Variants in A4GALT observed in about 807,000 individuals in gnomAD.
The protein encoded by A4GALT is alpha 1,4-galactosyltransferase (P1PK blood group).
For missense variants in A4GALT, 512 were observed against 486.0 expected, an observed-to-expected ratio of 1.05 and a Z score of -0.50; for synonymous variants, 257 against 220.7, an observed-to-expected ratio of 1.16 and a Z score of -1.46.
intron 1 of A4GALT, among the ~76,000 whole-genome samples, chr22:42,711,979 C>T (rs1467534979): frequency 2.0e-5 from 3 of 152,064 alleles, no homozygotes; most frequent in Non-Finnish European, 4.4e-5. Flanking sequence ...CCCACAAAGC[C>T]GGGATCAAAT....
intron 1 of A4GALT, among the ~76,000 whole-genome samples, chr22:42,711,657 C>T (rs544609949): frequency 2.0e-4 from 31 of 152,046 alleles, no homozygotes; most frequent in South Asian, 8.3e-4. Context: ...TTTCCACCCC[C>T]GAGTCTCGCT....
chr22:42,701,252 A>G (rs1231750140), intron 1 of A4GALT, among the ~76,000 whole-genome samples: 2 of 152,126 alleles, frequency 1.3e-5, no homozygotes, highest in Non-Finnish European at 2.9e-5. Context: ...CCACGTGCCC[A>G]CAAGACAGGC....
intron 1 of A4GALT, among the ~76,000 whole-genome samples, chr22:42,702,247 C>A (rs1920926696): frequency 6.6e-6 from 1 of 152,028 alleles, no homozygotes; most frequent in African/African-American, 2.4e-5. Flanking sequence ...GGGCCGGGCT[C>A]ACAGGACTGA....
rs1385338866 is a variant in A4GALT at position 42,706,164 on chromosome 22, G to A, written c.-187-10533C>T. Among the ~76,000 whole-genome samples, 8 of 69,624 alleles carry A rather than the reference G, an allele frequency of 1.1e-4. 3 individuals are homozygous for A. The highest frequency in any genetic ancestry group is 2.9e-4 in the Non-Finnish European group (7 of 24,000). 45.7% of individuals were successfully genotyped at this position (69,624 alleles called of 152,430 possible). A position where few individuals can be genotyped will look rare whatever the true frequency, so the allele number is the denominator to read the frequency against. On this transcript the variant is annotated intron_variant, in intron 1 of 2. Coordinates refer to ENST00000642412, the MANE Select transcript of A4GALT (RefSeq NM_017436.7). The stretch of plus-strand genomic sequence containing the variant: ...AGGTCAGGAGATCGAGACCATCCTG[G>A]CTAACACGGTGAAACCCCGTCTCTA...
At chr22:42,694,299 G>A (rs1254474306) in intron 2 of A4GALT, among the ~76,000 whole-genome samples, 1 of 152,266 alleles carries the variant, frequency 6.6e-6, no homozygotes, top group Non-Finnish European at 1.5e-5. Flanking sequence ...GCCCAGGCCA[G>A]AGTCTGGTCT....
rs1329115835 is a variant in A4GALT at position 42,712,580 on chromosome 22, C to T, written c.-188+8217G>A. ...GAAAGAAAGTTTCCATATTGCTTCA[C>T]TTTCACCTGTTTTACTGTCTTAAAG... On this transcript the variant is annotated intron_variant, in intron 1 of 2. Coordinates refer to ENST00000642412, the MANE Select transcript of A4GALT (RefSeq NM_017436.7). 4.6e-5 allele frequency among the ~76,000 whole-genome samples: 7 copies of T among 152,346 alleles called. No individual in the cohort carries two copies. In the East Asian group the frequency reaches 5.8e-4, roughly 13 times the overall value.
intron 1 of A4GALT, among the ~76,000 whole-genome samples, chr22:42,702,578 C>T (rs1263493590): frequency 6.6e-6 from 1 of 152,200 alleles, no homozygotes; most frequent in African/African-American, 2.4e-5. Context: ...CTCGGGTGAT[C>T]CGCCCACCTC....
At chr22:42,695,348 C>T (rs130395) in intron 2 of A4GALT, 143 bp downstream of exon 2, 11,070 of 152,322 alleles carry the variant, frequency 0.073, 532 homozygotes, top group Non-Finnish European at 0.1. Flanking sequence ...AGTCGGTCCC[C>T]TCCCAAGGAC....
At position 42,693,193 on chromosome 22, in the gene A4GALT, C is replaced by T. The variant is rs756476441; in HGVS notation, c.759G>A (p.Leu253=). ...ACCACTTCTTGAAGACCCGCGTGAG[C>T]AGCTGCGGGCCCTGGTGACCCCAGA... ...GWIWGHQGPQ[L]LTRVFKKWCS... is the part of the protein sequence containing the mutation. Residue 253 remains leucine, a synonymous_variant, in exon 3 of 3, where the codon CTG becomes CTA. Coordinates refer to ENST00000642412, the MANE Select transcript of A4GALT (RefSeq NM_017436.7). 6.9e-6 allele frequency: 11 copies of T among 1,600,712 alleles called. No homozygotes were observed. Among genetic ancestry groups the T allele is most frequent in the Non-Finnish European group, 9.4e-6 (11 of 1,174,638 alleles).
intron 1 of A4GALT, among the ~76,000 whole-genome samples, chr22:42,704,826 G>A (rs532509083): frequency 1.7e-4 from 24 of 138,686 alleles, no homozygotes; most frequent in African/African-American, 5.3e-4. Flanking sequence ...CCCAACCACA[G>A]TTGAGTGTGG....
At chr22:42,698,432 C>A (rs1931083994) in intron 1 of A4GALT, among the ~76,000 whole-genome samples, 1 of 152,192 alleles carries the variant, frequency 6.6e-6, no homozygotes, top group African/African-American at 2.4e-5. Context: ...CATCCCTACA[C>A]AAATTGCACC....
intron 1 of A4GALT, among the ~76,000 whole-genome samples, chr22:42,699,613 G>A (rs948591501): frequency 1.4e-4 from 22 of 152,302 alleles, no homozygotes; most frequent in Admixed American, 3.9e-4. Flanking sequence ...GGCAAGGGAC[G>A]CAGGACTGCA....
chr22:42,720,663 G>A (rs1922643533), intron 1 of A4GALT, 134 bp downstream of exon 1: 2 of 152,036 alleles, frequency 1.3e-5, no homozygotes, highest in South Asian at 4.1e-4. Context: ...TCCAGAACAG[G>A]TGGCCCGGGC....
chr22:42,705,324 G>A (rs1013869081), intron 1 of A4GALT, among the ~76,000 whole-genome samples: 5 of 152,198 alleles, frequency 3.3e-5, no homozygotes, highest in African/African-American at 1.2e-4. Context: ...GCCACAGCCG[G>A]GCGCAATGGC....
intron 1 of A4GALT, among the ~76,000 whole-genome samples, chr22:42,719,484 G>A (rs1438191915): frequency 6.7e-6 from 1 of 150,074 alleles, no homozygotes; most frequent in Admixed American, 6.7e-5. Flanking sequence ...ATGACAGAGA[G>A]GATTCCATCT....
Position 42,693,751 on chromosome 22 carries a change from G to T in A4GALT, c.201C>A (p.Pro67=). 1 of 1,608,752 alleles carries T rather than the reference G, an allele frequency of 6.2e-7. No individual in the cohort carries two copies. ...GAGTGGGGCCGTGGGAGGGTGGGGT[G>T]GGGGGTGTCAAGGTGGGGCAGGGGA... is the stretch of plus-strand genomic sequence containing the variant. ...AEIPCPTLTP[P]TPPSHGPTPG... The change falls in exon 3 of 3, where the codon CCC becomes CCA. Residue 67 remains proline, a synonymous_variant. Coordinates refer to ENST00000642412, the MANE Select transcript of A4GALT (RefSeq NM_017436.7).
chr22:42,715,706 C>T (rs1183015681), intron 1 of A4GALT, among the ~76,000 whole-genome samples: 2 of 151,344 alleles, frequency 1.3e-5, no homozygotes, highest in Non-Finnish European at 2.9e-5. Flanking sequence ...AGAGCAAGAA[C>T]CTATCTCAAA....
chr22:42,701,097 G>A (rs552308076), intron 1 of A4GALT, among the ~76,000 whole-genome samples: 31 of 152,280 alleles, frequency 2.0e-4, no homozygotes, highest in African/African-American at 6.7e-4. Flanking sequence ...ACCCTTGCCT[G>A]GTCAGACAGG....
chr22:42,695,596 G>C lies in A4GALT; in HGVS notation c.-152C>G, dbSNP rs532687912. ...CGACCTTCTTTGCCAACACGAACAC[G>C]GCCCTTCCACACACTTGCAGCGGCT... On this transcript the variant is annotated 5_prime_UTR_variant, in exon 2 of 3. Coordinates refer to ENST00000642412, the MANE Select transcript of A4GALT (RefSeq NM_017436.7). 6.6e-6 allele frequency: 1 copy of C among 152,360 alleles called. No individual in the cohort carries two copies. Among genetic ancestry groups the C allele is most frequent in the African/African-American group, 2.4e-5 (1 of 41,566 alleles). The allele number at this position is 152,360 out of a possible 1,614,324, so 9.4% of individuals were successfully genotyped here.
Sources: allele counts gnomAD v4.1 joint callset (sites outside exome capture counted in the v4.1 genomes callset), GRCh38; gene constraint gnomAD v4.1.1; transcripts MANE v1.5; gene names NCBI Gene and HGNC (gene_info 2026-07-23, HGNC 2026-07-21).